The following GLIS3 variants were observed in gnomAD, a reference collection of about 807,000 sequenced individuals.
GLIS3 encodes zinc finger protein GLIS3.
Under a neutral mutation model 78.6 loss-of-function variants are expected in GLIS3, and 53 were observed. The ratio of observed to expected loss-of-function variants is 0.67; its 90% CI spans 0.54 to 0.85. The LOEUF (loss-of-function observed/expected upper bound fraction) is 0.85. Ranked by LOEUF, GLIS3 falls within the 40% of genes least tolerant of loss-of-function variation. The pLI is 0.00. For missense variants in GLIS3, 1,703 were observed against 1,231.1 expected (o/e 1.38, Z -5.74); for synonymous variants, 684 against 509.9 (o/e 1.34, Z -4.60).
intron 8 of GLIS3, among the ~76,000 whole-genome samples, chr9:3,857,736 A>G (rs1356853730): frequency 1.3e-5 from 2 of 152,246 alleles, no homozygotes; most frequent in South Asian, 2.1e-4. Flanking sequence ...TTCTGAGCAT[A>G]TCATCTTAAC....
intron 2 of GLIS3, among the ~76,000 whole-genome samples, chr9:4,129,873 G>C (rs974632446): frequency 2.0e-5 from 3 of 152,082 alleles, no homozygotes; most frequent in Admixed American, 6.5e-5. Context: ...GTGGAAAATA[G>C]TGGAACTTCC....
At chr9:3,851,546 T>G (rs1563775315) in intron 9 of GLIS3, among the ~76,000 whole-genome samples, 1 of 152,180 alleles carries the variant, frequency 6.6e-6, no homozygotes, top group Admixed American at 6.5e-5. Context: ...GTAAGGAAAC[T>G]TGAAAAAGCA....
chr9:4,165,760 A>G lies in GLIS3; in HGVS notation c.389-39819T>C, dbSNP rs77067097. Among the ~76,000 whole-genome samples the G allele has an allele frequency of 4.8e-3, 738 of 152,326 alleles. 13 individuals are homozygous for G. Among genetic ancestry groups the G allele is most frequent in the African/African-American group, 0.016 (681 of 41,580 alleles). On this transcript the variant is annotated intron_variant, in intron 2 of 10. Coordinates refer to ENST00000381971, the MANE Select transcript of GLIS3 (RefSeq NM_001042413.2). ...ATACAGTTGGAAAGGAGAGCCTAGA[A>G]ATGGGGCTAGAACAAGTTTCTGGGG...
intron 4 of GLIS3, among the ~76,000 whole-genome samples, chr9:4,099,983 A>G (rs1251505074): frequency 2.6e-5 from 4 of 152,194 alleles, no homozygotes; most frequent in Non-Finnish European, 5.9e-5. Flanking sequence ...TCAGTTTCCC[A>G]GCCTGTAAAC....
chr9:3,982,867 T>G (rs1053112180), intron 4 of GLIS3, among the ~76,000 whole-genome samples: 59 of 152,354 alleles, frequency 3.9e-4, no homozygotes, highest in African/African-American at 1.3e-3. Context: ...GAGGCCTAAG[T>G]CACCATAGGG....
At chr9:4,252,719 GT>G (rs1824514286) in intron 2 of GLIS3, among the ~76,000 whole-genome samples, 1 of 152,176 alleles carries the variant, frequency 6.6e-6, no homozygotes, top group Non-Finnish European at 1.5e-5. Context: ...CAGCCTTTTT[GT>G]GCTGGATTTC....
intron 4 of GLIS3, among the ~76,000 whole-genome samples, chr9:3,991,819 T>G (rs1406276378): frequency 6.6e-6 from 1 of 151,334 alleles, no homozygotes; most frequent in African/African-American, 2.4e-5. Context: ...GCCTCCCGAG[T>G]AGCTGGGACT....
chr9:4,462,705 G>C, the GLIS3 span, among the ~76,000 whole-genome samples: 12 of 151,968 alleles, frequency 7.9e-5, no homozygotes, highest in Non-Finnish European at 1.6e-4. Context: ...AGCTACACAG[G>C]AGGCTGAGGA....
chr9:3,918,733 T>C (rs1408398386), intron 6 of GLIS3, among the ~76,000 whole-genome samples: 1 of 152,192 alleles, frequency 6.6e-6, no homozygotes, highest in African/African-American at 2.4e-5. Flanking sequence ...ATCCCTAGGA[T>C]ACACATGGCA....
chr9:4,275,424 G>C (rs1406989678), intron 2 of GLIS3, among the ~76,000 whole-genome samples: 2 of 152,150 alleles, frequency 1.3e-5, no homozygotes, highest in Non-Finnish European at 2.9e-5. Context: ...AAAGATCTAA[G>C]ACCGTGGGGT....
At chr9:4,402,685 GA>G in the GLIS3 span, among the ~76,000 whole-genome samples, 1 of 152,106 alleles carries the variant, frequency 6.6e-6, no homozygotes, top group Admixed American at 6.6e-5. Flanking sequence ...TTGACATGCT[GA>G]AAAATGCATT....
chr9:4,268,050 T>C (rs981615871), intron 2 of GLIS3, among the ~76,000 whole-genome samples: 1 of 151,756 alleles, frequency 6.6e-6, no homozygotes, highest in Non-Finnish European at 1.5e-5. Context: ...CGTGCGTGCG[T>C]GCGCACACAC....
chr9:4,215,038 G>A (rs983769101), intron 2 of GLIS3, among the ~76,000 whole-genome samples: 4 of 152,148 alleles, frequency 2.6e-5, no homozygotes, highest in East Asian at 3.9e-4. Flanking sequence ...GAACAAAAAC[G>A]ATGGCTCTAC....
At chr9:4,360,048 T>C in the GLIS3 span, among the ~76,000 whole-genome samples, 4 of 151,950 alleles carry the variant, frequency 2.6e-5, no homozygotes, top group Non-Finnish European at 4.4e-5. Flanking sequence ...ATTACACAAA[T>C]TGAAGCCCAC....
chr9:4,101,092 G>C (rs1192103257), intron 4 of GLIS3, among the ~76,000 whole-genome samples: 1 of 152,198 alleles, frequency 6.6e-6, no homozygotes, highest in East Asian at 1.9e-4. Context: ...TACTGGCCAA[G>C]GAAACCAACA....
At chr9:4,406,201 G>C in the GLIS3 span, among the ~76,000 whole-genome samples, 2 of 152,050 alleles carry the variant, frequency 1.3e-5, no homozygotes, top group Non-Finnish European at 2.9e-5. Context: ...ATTATTCAAC[G>C]TAGTACTGGA....
chr9:4,099,464 T>C (rs78259626), intron 4 of GLIS3, among the ~76,000 whole-genome samples: 7 of 59,884 alleles, frequency 1.2e-4, no homozygotes, highest in Non-Finnish European at 2.5e-4. Flanking sequence ...AATGCACACA[T>C]GTCTTTGTGT....
At position 4,273,447 on chromosome 9, in the gene GLIS3, G is replaced by C. The variant is rs909681904; in HGVS notation, c.388+12591C>G. 2.6e-5 allele frequency among the ~76,000 whole-genome samples: 4 copies of C among 152,048 alleles called. No individual in the cohort carries two copies. The South Asian group carries it at 8.3e-4, about 31-fold the overall frequency. On this transcript the variant is annotated intron_variant, in intron 2 of 10. Transcript: ENST00000381971. ...CCATCTCCACAGAAAAATAAAATTAGCTGGGCATGGTAGCTAATGCCTGTG... is the reference window on the plus strand; with the variant it reads ...CCATCTCCACAGAAAAATAAAATTACCTGGGCATGGTAGCTAATGCCTGTG...
At chr9:3,906,453 C>A (rs1395478772) in intron 6 of GLIS3, among the ~76,000 whole-genome samples, 2 of 152,062 alleles carry the variant, frequency 1.3e-5, no homozygotes, top group Non-Finnish European at 2.9e-5. Flanking sequence ...AACACAGGAG[C>A]CAAGCATGGC....
Sources: allele counts gnomAD v4.1 joint callset (sites outside exome capture counted in the v4.1 genomes callset), GRCh38; gene constraint gnomAD v4.1.1; transcripts MANE v1.5; gene names NCBI Gene and HGNC (gene_info 2026-07-23, HGNC 2026-07-21).